The following RHBDD1 variants were observed in gnomAD, a reference collection of about 807,000 sequenced individuals.
The protein encoded by RHBDD1 is rhomboid-related protein 4.
Under a neutral mutation model 36.3 loss-of-function variants are expected in RHBDD1, and 38 were observed. The ratio of observed to expected loss-of-function variants is 1.05; its 90% CI spans 0.81 to 1.37. The LOEUF (loss-of-function observed/expected upper bound fraction) is 1.37, where lower values mean the gene tolerates loss of function less well. Ranked by LOEUF, RHBDD1 falls within the 40% of genes most tolerant of loss-of-function variation. RHBDD1 has a pLI of 0.00. For missense variants in RHBDD1, 393 were observed against 377.6 expected, an observed-to-expected ratio of 1.04 and a Z score of -0.34; for synonymous variants, 151 against 136.5, an observed-to-expected ratio of 1.11 and a Z score of -0.74.
intron 3 of RHBDD1, among the ~76,000 whole-genome samples, chr2:226,849,773 C>A (rs986598465): frequency 2.0e-5 from 3 of 152,180 alleles, no homozygotes; most frequent in Non-Finnish European, 4.4e-5. Context: ...GTATCTATAT[C>A]TATATATCTA....
At chr2:226,948,564 T>TAAA (rs56325989) in intron 8 of RHBDD1, among the ~76,000 whole-genome samples, 10 of 23,528 alleles carry the variant, frequency 4.3e-4, no homozygotes, top group East Asian at 4.2e-3. Context: ...ACTTAAAGTA[T>TAAA]AAAAAAAAAA....
intron 8 of RHBDD1, among the ~76,000 whole-genome samples, chr2:226,925,541 T>G (rs1949611168): frequency 6.6e-6 from 1 of 152,150 alleles, no homozygotes; most frequent in African/African-American, 2.4e-5. Flanking sequence ...AACCAAATAT[T>G]TTTCCTTAGG....
intron 8 of RHBDD1, chr2:226,942,595 T>C (rs970674031): frequency 1.0e-5 from 3 of 295,070 alleles, no homozygotes; most frequent in Middle Eastern, 4.0e-4. Flanking sequence ...GTGGCCACTA[T>C]TGATAATTCT....
intron 5 of RHBDD1, among the ~76,000 whole-genome samples, chr2:226,887,967 G>A (rs1030154279): frequency 6.6e-6 from 1 of 152,184 alleles, no homozygotes; most frequent in African/African-American, 2.4e-5. Context: ...GTATGCAGAT[G>A]GTGAAGTAGT....
chr2:226,919,848 A>G (rs541075169), intron 8 of RHBDD1, among the ~76,000 whole-genome samples: 2 of 151,860 alleles, frequency 1.3e-5, no homozygotes, highest in South Asian at 4.2e-4. Context: ...TACTTTTTCT[A>G]TTTCTGTGAA....
Position 226,914,327 on chromosome 2 carries a change from T to G in RHBDD1, c.832T>G (p.Leu278Val). ...LSEEEQLERA[L>V]QASLWDRGNT... ...TGAAGAAGAACAGCTCGAGAGAGCA[T>G]TACAAGCCAGCCTCTGGGACCGAGG... is the stretch of plus-strand genomic sequence containing the variant. Residue 278 changes from leucine to valine, a missense_variant, in exon 8 of 9, where the codon TTA (leucine) becomes GTA (valine). Transcript: ENST00000392062. 6.2e-7 allele frequency: 1 copy of G among 1,613,358 alleles called. No individual in the cohort carries two copies. Among genetic ancestry groups the G allele is most frequent in the South Asian group, 1.1e-5 (1 of 91,024 alleles).
At chr2:226,805,460 G>T in the RHBDD1 span, among the ~76,000 whole-genome samples, 343 of 152,236 alleles carry the variant, frequency 2.3e-3, 2 homozygotes, top group African/African-American at 7.7e-3. Context: ...TAATCCACCC[G>T]CCTTGGCCTC....
Position 226,900,124 on chromosome 2 carries a change from G to A in RHBDD1, c.567-6669G>A, listed in dbSNP as rs116440782. On this transcript the variant is annotated intron_variant, in intron 5 of 8. Coordinates refer to ENST00000392062, the MANE Select transcript of RHBDD1 (RefSeq NM_001167608.3). ...TGAACATCCTAAAATTACAGGTAAC[G>A]CACTTTGTGTATACACAGTTTTTCT... Among the ~76,000 whole-genome samples, 587 of 152,284 alleles carry A rather than the reference G, an allele frequency of 3.9e-3. 3 individuals carry two copies. The highest frequency in any genetic ancestry group is 0.012 in the South Asian group (60 of 4,824).
chr2:226,936,890 A>G (rs928020951), intron 8 of RHBDD1, among the ~76,000 whole-genome samples: 2 of 152,122 alleles, frequency 1.3e-5, no homozygotes, highest in African/African-American at 4.8e-5. Context: ...AGTTAAGCTA[A>G]GCAATATATT....
rs140363753 is a variant in RHBDD1 at position 226,993,477 on chromosome 2, A to T, written c.857-1954A>T. On this transcript the variant is annotated intron_variant, in intron 8 of 8. Coordinates refer to ENST00000392062, the MANE Select transcript of RHBDD1 (RefSeq NM_001167608.3). ...GGCAAAGGAGAATTTGGATCTCATC[A>T]TATAAAACAGTTTTAAGCAATCAAC... Among the ~76,000 whole-genome samples the T allele has an allele frequency of 9.8e-4, 149 of 152,388 alleles. 1 individual carries two copies. The highest frequency in any genetic ancestry group is 3.4e-3 in the African/African-American group (141 of 41,588).
intron 8 of RHBDD1, among the ~76,000 whole-genome samples, chr2:226,930,165 A>C (rs1949934917): frequency 6.6e-6 from 1 of 152,022 alleles, no homozygotes. Flanking sequence ...ATAACCCAAA[A>C]ATTCATATGG....
intron 5 of RHBDD1, among the ~76,000 whole-genome samples, chr2:226,897,812 AAAAC>A (rs984512501): frequency 8.5e-5 from 13 of 152,240 alleles, no homozygotes; most frequent in Admixed American, 2.6e-4. Context: ...CTCTACTAAA[AAAAC>A]AAACAAACAA....
At chr2:226,880,546 C>T (rs1409818909) in intron 5 of RHBDD1, among the ~76,000 whole-genome samples, 2 of 152,134 alleles carry the variant, frequency 1.3e-5, no homozygotes, top group African/African-American at 2.4e-5. Context: ...ACAATTGGAA[C>T]TCTTTGAGGG....
chr2:226,808,960 G>A, the RHBDD1 span, among the ~76,000 whole-genome samples: 2 of 152,188 alleles, frequency 1.3e-5, no homozygotes, highest in African/African-American at 4.8e-5. Context: ...AAGATCAGGA[G>A]TTTGGTTCTA....
rs189207468 is a variant in RHBDD1 at position 226,846,159 on chromosome 2, C to T, written c.-91+6532C>T. Among the ~76,000 whole-genome samples the T allele has an allele frequency of 5.3e-3, 813 of 152,278 alleles. 4 individuals are homozygous for T. Among genetic ancestry groups the T allele is most frequent in the Non-Finnish European group, 9.2e-3 (626 of 68,028 alleles). ...ATCTTACTAAAAGCATCTGGCCAAA[C>T]GCAGTGTTGCTTGTGTCCTGGAATA... On this transcript the variant is annotated intron_variant, in intron 3 of 8. Transcript: ENST00000392062.
intron 3 of RHBDD1, among the ~76,000 whole-genome samples, chr2:226,858,521 C>A (rs1218456760): frequency 6.6e-6 from 1 of 152,092 alleles, no homozygotes; most frequent in Admixed American, 6.6e-5. Context: ...TATATTCTTG[C>A]AATTTAATGG....
chr2:226,904,407 C>G (rs4675115), intron 5 of RHBDD1, among the ~76,000 whole-genome samples: 47,234 of 122,954 alleles, frequency 0.38, 9,531 homozygotes, highest in South Asian at 0.43. Context: ...GTGGCACATC[C>G]TGCAAGCGGG....
intron 8 of RHBDD1, among the ~76,000 whole-genome samples, chr2:226,928,799 A>G (rs1398208902): frequency 1.3e-5 from 2 of 152,080 alleles, no homozygotes; most frequent in African/African-American, 2.4e-5. Flanking sequence ...AAATAAGCTG[A>G]ATTAGAAATG....
intron 5 of RHBDD1, among the ~76,000 whole-genome samples, chr2:226,903,124 ACTTT>A (rs1947733500): frequency 6.6e-6 from 1 of 152,116 alleles, no homozygotes. Context: ...TCAAACTGCC[ACTTT>A]CTTTGTCATT....
Sources: gnomAD v4.1 joint callset for allele counts (sites outside exome capture counted in the v4.1 genomes callset) on GRCh38, gnomAD v4.1.1 for gene constraint, MANE v1.5 for transcripts, NCBI Gene and HGNC (gene_info 2026-07-23, HGNC 2026-07-21) for gene names.